The following FOLH1 variants were observed in gnomAD, a reference collection of about 807,000 sequenced individuals.
FOLH1 encodes the protein folate hydrolase 1.
A neutral mutation model predicts 93.9 loss-of-function variants in FOLH1; 54 were observed. That is an observed-to-expected ratio of 0.57 (90% CI 0.46 to 0.72). The LOEUF (loss-of-function observed/expected upper bound fraction) is 0.72, where lower values mean the gene tolerates loss of function less well. Ranked by LOEUF, FOLH1 falls within the 30% of genes least tolerant of loss-of-function variation. The pLI is 0.00. For synonymous variants in FOLH1, 249 were observed against 303.6 expected (o/e 0.82, Z 1.87); for missense variants, 571 against 892.5 (o/e 0.64, Z 4.59).
chr11:49,200,208 G>T (rs1447342152), intron 3 of FOLH1, 47 bp downstream of exon 3: 10 of 1,396,018 alleles, frequency 7.2e-6, no homozygotes, highest in Non-Finnish European at 9.6e-6. Flanking sequence ...ATTTGAAAAA[G>T]AATAAATGGG....
In FOLH1 at chr11:49,181,896, C is replaced by T. The variant is rs528667579; in HGVS notation, c.920+1253G>A. ...TAAAAATGAGTGCCTTGCCCTTGGT[C>T]AAAAAGTGCTTCCTCATAGATACTG... On this transcript the variant is annotated intron_variant, in intron 7 of 18. Transcript: ENST00000256999. Among the ~76,000 whole-genome samples, 5 of 152,112 alleles carry T rather than the reference C, an allele frequency of 3.3e-5. No individual in the cohort carries two copies. The South Asian group carries it at 1.0e-3, about 32-fold the overall frequency.
At chr11:49,195,722 A>G (rs1341165254) in intron 3 of FOLH1, among the ~76,000 whole-genome samples, 2 of 152,222 alleles carry the variant, frequency 1.3e-5, no homozygotes, top group Admixed American at 1.3e-4. Flanking sequence ...TTTATTAAAA[A>G]GAGGCACATC....
chr11:49,164,682 T>C (rs1272786908), intron 13 of FOLH1, 23 bp downstream of exon 13: 4 of 1,540,278 alleles, frequency 2.6e-6, no homozygotes, highest in Non-Finnish European at 3.5e-6. Flanking sequence ...TTGGGTTTTC[T>C]TAAATTATAT....
chr11:49,173,678 C>A (rs1054004299), intron 9 of FOLH1, among the ~76,000 whole-genome samples: 1 of 151,596 alleles, frequency 6.6e-6, no homozygotes, highest in Non-Finnish European at 1.5e-5. Flanking sequence ...TGTGATAAAG[C>A]AAATATATAT....
rs1855745616 is a variant in FOLH1, at chr11:49,145,564, A to C, written c.*1192T>G. Among the ~76,000 whole-genome samples, 3 of 152,216 alleles carry C rather than the reference A, an allele frequency of 2.0e-5. No individual in the cohort carries two copies. Among genetic ancestry groups the C allele is most frequent in the Non-Finnish European group, 4.4e-5 (3 of 67,998 alleles). The stretch of plus-strand genomic sequence containing the variant: ...TGGCCCAGAAGACAAGTTTCTGGGG[A>C]GTTCTGAAGTGTCAATTTGAAGCAG... On this transcript the variant is annotated 3_prime_UTR_variant, in exon 19 of 19. Transcript: ENST00000256999.
intron 12 of FOLH1, 98 bp downstream of exon 12, chr11:49,169,097 C>T: frequency 7.3e-7 from 1 of 1,378,068 alleles, no homozygotes; most frequent in African/African-American, 1.4e-5. Context: ...CCTAACCACA[C>T]ATTAATGCAT....
chr11:49,159,024 T>C (rs1221009546), intron 13 of FOLH1, among the ~76,000 whole-genome samples: 1 of 152,212 alleles, frequency 6.6e-6, no homozygotes, highest in Non-Finnish European at 1.5e-5. Context: ...CTTAAGGAGC[T>C]TTTGGGCTTT....
chr11:49,184,082 T>A (rs7126361), intron 6 of FOLH1, among the ~76,000 whole-genome samples: 5,127 of 152,312 alleles, frequency 0.034, 124 homozygotes, highest in Non-Finnish European at 0.051. Flanking sequence ...TTTCCATTTT[T>A]TTCTCTGTTT....
At chr11:49,164,836 GACCACTGCTAAATTCCT>G in intron 12 of FOLH1, 64 bp from the exon 13 acceptor site, 9 of 1,242,598 alleles carry the variant, frequency 7.2e-6, no homozygotes, top group Non-Finnish European at 1.0e-5. Flanking sequence ...TTTCTTCAAA[GACCACTGCTAAATTCCT>G]ACCAGAATGA....
Position 49,179,065 on chromosome 11 carries a change from A to G in FOLH1, c.921-3108T>C, listed in dbSNP as rs143143944. Among the ~76,000 whole-genome samples, 215 of 152,390 alleles carry G rather than the reference A, an allele frequency of 1.4e-3. 2 individuals are homozygous for G. The East Asian group carries it at 0.037, about 26-fold the overall frequency. On this transcript the variant is annotated intron_variant, in intron 7 of 18. Transcript: ENST00000256999. ...GGTAAAATTCTAAAAAATTTGGACA[A>G]AAGAAAGCTTGAATCAGCTTGTGAG...
chr11:49,208,221 G>C, intron 1 of FOLH1, 71 bp downstream of exon 1: 1 of 1,152,150 alleles, frequency 8.7e-7, no homozygotes, highest in Non-Finnish European at 1.2e-6. Flanking sequence ...CTCGGCAGCT[G>C]ACCCGCGAGT....
At chr11:49,155,105 T>C (rs2134904818) in intron 15 of FOLH1, among the ~76,000 whole-genome samples, 1 of 152,178 alleles carries the variant, frequency 6.6e-6, no homozygotes, top group South Asian at 2.1e-4. Context: ...GGTTTATCAC[T>C]TTTGATCATC....
intron 7 of FOLH1, among the ~76,000 whole-genome samples, chr11:49,179,165 A>G (rs1346337978): frequency 1.3e-5 from 2 of 152,216 alleles, no homozygotes; most frequent in African/African-American, 4.8e-5. Flanking sequence ...GCATGGAAAA[A>G]TGAGGGCGAA....
rs975577396 is a variant in FOLH1, at chr11:49,156,999, C to T, written c.1533-192G>A. ...AATATCTCCTTCTATGAGACTATTT[C>T]GTGTAGGAATGACTATTTTATGTCA... On this transcript the variant is annotated intron_variant, in intron 14 of 18. Transcript: ENST00000256999. Among the ~76,000 whole-genome samples, 13 of 152,144 alleles carry T rather than the reference C, an allele frequency of 8.5e-5. 1 individual carries two copies. The highest frequency in any genetic ancestry group is 3.4e-3 in the Middle Eastern group (1 of 294).
chr11:49,190,406 C>G (rs1246958051), intron 4 of FOLH1, among the ~76,000 whole-genome samples: 1 of 152,220 alleles, frequency 6.6e-6, no homozygotes, highest in African/African-American at 2.4e-5. Context: ...ACAACTTACA[C>G]TGTACCATCC....
Position 49,154,478 on chromosome 11 carries a change from G to A in FOLH1, c.1638C>T (p.Phe546=). The A allele has an allele frequency of 6.3e-7, 1 of 1,578,398 alleles. No homozygotes were observed. Among genetic ancestry groups the A allele is most frequent in the East Asian group, 2.3e-5 (1 of 44,128 alleles). ...CACTGTGATACAGTGGATAGCCGCT[G>A]AATTTGTTTGTTTCCTACAGAAAAA... ...RYTKNWETNK[F]SGYPLYHSVY... is the part of the protein sequence containing the mutation. The change falls in exon 16 of 19, where the codon TTC becomes TTT. Residue 546 remains phenylalanine (F), a synonymous_variant. Transcript: ENST00000256999.
chr11:49,198,437 C>G (rs1368788811), intron 3 of FOLH1, among the ~76,000 whole-genome samples: 8 of 150,420 alleles, frequency 5.3e-5, no homozygotes, highest in Non-Finnish European at 1.0e-4. Context: ...AGCGGAGATA[C>G]CGCCACTGCA....
intron 13 of FOLH1, among the ~76,000 whole-genome samples, chr11:49,158,783 T>C (rs1316059355): frequency 3.3e-5 from 5 of 152,224 alleles, no homozygotes; most frequent in Non-Finnish European, 5.9e-5. Flanking sequence ...TTTTTTCCAT[T>C]TGAATATGTC....
intron 4 of FOLH1, among the ~76,000 whole-genome samples, chr11:49,191,104 C>A (rs551046260): frequency 4.6e-5 from 7 of 152,204 alleles, no homozygotes; most frequent in South Asian, 4.1e-4. Context: ...CTCCACCTCC[C>A]GCGTTCACGC....
Sources: gnomAD v4.1 joint callset for allele counts (sites outside exome capture counted in the v4.1 genomes callset) on GRCh38, gnomAD v4.1.1 for gene constraint, MANE v1.5 for transcripts, NCBI Gene and HGNC (gene_info 2026-07-23, HGNC 2026-07-21) for gene names.